Variants in MGAM observed in about 807,000 individuals in gnomAD.
MGAM encodes the protein maltase-glucoamylase, also known as alpha-1,4-glucosidase.
Under a neutral mutation model 358.8 loss-of-function variants are expected in MGAM, and 253 were observed. The observed-to-expected ratio is 0.71, with a 90% CI of 0.64 to 0.78. MGAM has a LOEUF of 0.78. Ranked by LOEUF, MGAM falls within the 30% of genes least tolerant of loss-of-function variation. The pLI is 0.00. For missense variants in MGAM, 3,080 were observed against 3,432.6 expected (o/e 0.90, Z 2.57); for synonymous variants, 1,105 against 1,227.1 (o/e 0.90, Z 2.08).
At chr7:141,996,408 T>A (rs1804239208) in intron 1 of MGAM, among the ~76,000 whole-genome samples, 1 of 152,212 alleles carries the variant, frequency 6.6e-6, no homozygotes, top group African/African-American at 2.4e-5. Flanking sequence ...AATTCTCATT[T>A]ATCTTTTTTT....
At chr7:141,991,925 G>T (rs748862860), upstream of MGAM, among the ~76,000 whole-genome samples, 1 of 152,144 alleles carries the variant, frequency 6.6e-6, no homozygotes, top group Non-Finnish European at 1.5e-5. Flanking sequence ...CCAGGGACTT[G>T]GAGCTAAGCC....
chr7:142,069,532 G>A (rs1254779299), intron 43 of MGAM, among the ~76,000 whole-genome samples: 1 of 145,806 alleles, frequency 6.9e-6, no homozygotes, highest in Non-Finnish European at 1.6e-5. Flanking sequence ...TACAAGCAGG[G>A]ATACAGGAAG....
chr7:142,074,405 A>G (rs1813576295), intron 45 of MGAM, among the ~76,000 whole-genome samples: 1 of 141,224 alleles, frequency 7.1e-6, no homozygotes, highest in African/African-American at 2.7e-5. Context: ...AGTGATACCT[A>G]TAATGGCTCT....
chr7:141,988,787 G>A (rs370859909), intron 2 of MGAM, among the ~76,000 whole-genome samples: 4 of 152,202 alleles, frequency 2.6e-5, no homozygotes, highest in Non-Finnish European at 2.9e-5. Flanking sequence ...AGAAGACGGT[G>A]TAAAGCTGCT....
intron 58 of MGAM, 62 bp downstream of exon 58, chr7:142,092,109 A>G: frequency 1.3e-6 from 2 of 1,516,084 alleles, no homozygotes; most frequent in South Asian, 2.4e-5. Flanking sequence ...GCCTACGTGT[A>G]TGTACCACTG....
intron 19 of MGAM, 100 bp from the exon 20 acceptor site, chr7:142,040,015 G>A: frequency 3.3e-6 from 3 of 899,416 alleles, no homozygotes; most frequent in South Asian, 2.9e-5. Context: ...TAATAGCAGG[G>A]CATTCCTGCC....
intron 34 of MGAM, among the ~76,000 whole-genome samples, chr7:142,060,634 A>G (rs371683764): frequency 2.1e-4 from 32 of 152,370 alleles, no homozygotes; most frequent in African/African-American, 7.2e-4. Flanking sequence ...GTTTTAGGTG[A>G]CAGAGTGGTG....
intron 14 of MGAM, 148 bp downstream of exon 14, chr7:142,033,057 G>A: frequency 5.0e-5 from 25 of 500,016 alleles, no homozygotes; most frequent in South Asian, 3.0e-4. Context: ...AGGAAAACTA[G>A]GAAGGAAAAT....
rs560229372 is a variant in MGAM, at chr7:142,056,958, A to G, written c.3693+16A>G. 28 of 1,611,882 alleles carry G rather than the reference A, an allele frequency of 1.7e-5. No homozygotes were observed. The South Asian group carries it at 2.5e-4, about 15-fold the overall frequency. ...GTACACTGAGGTAGGGGGAAATCCAATTGTTTATCAAGTACTTACACAGCA... is the reference window on the plus strand; with the variant it reads ...GTACACTGAGGTAGGGGGAAATCCAGTTGTTTATCAAGTACTTACACAGCA... On this transcript the variant is annotated intron_variant, in intron 30 of 70. Coordinates refer to ENST00000475668, the MANE Select transcript of MGAM (RefSeq NM_001365693.1).
intron 45 of MGAM, among the ~76,000 whole-genome samples, chr7:142,074,490 C>T (rs4281037): frequency 0.097 from 14,100 of 145,932 alleles, 2,116 homozygotes; most frequent in African/African-American, 0.23. Flanking sequence ...TGTCTTCCTC[C>T]GAAAATTCTT....
rs193168215 is a variant in MGAM at position 142,043,546 on chromosome 7, T to A, written c.2498+2700T>A. On this transcript the variant is annotated intron_variant, in intron 21 of 70. Coordinates refer to ENST00000475668, the MANE Select transcript of MGAM (RefSeq NM_001365693.1). ...AAATATAATATGAATTATATAGATATATCTAAATATATATATTATATATAC... is the reference window on the plus strand; with the variant it reads ...AAATATAATATGAATTATATAGATAAATCTAAATATATATATTATATATAC... Among the ~76,000 whole-genome samples, 5 of 34,936 alleles carry A rather than the reference T, an allele frequency of 1.4e-4. 2 individuals are homozygous for A. Among genetic ancestry groups the A allele is most frequent in the African/African-American group, 1.7e-4 (3 of 17,250 alleles). 22.9% of individuals were successfully genotyped at this position (34,936 alleles called of 152,430 possible). A position where few individuals can be genotyped will look rare whatever the true frequency, so the allele number is the denominator to read the frequency against.
chr7:142,018,901 G>A (rs569723460), intron 3 of MGAM, among the ~76,000 whole-genome samples: 18 of 151,964 alleles, frequency 1.2e-4, no homozygotes, highest in African/African-American at 4.3e-4. Context: ...TGGTGATATA[G>A]CTATATTATT....
At chr7:142,014,924 G>T (rs180950017) in intron 3 of MGAM, among the ~76,000 whole-genome samples, 3 of 151,954 alleles carry the variant, frequency 2.0e-5, no homozygotes, top group Non-Finnish European at 4.4e-5. Flanking sequence ...GTCCCATTCT[G>T]AATATTTTTG....
intron 66 of MGAM, 70 bp downstream of exon 66, chr7:142,097,719 A>G (rs1816064662): frequency 6.8e-7 from 1 of 1,479,784 alleles, no homozygotes; most frequent in Non-Finnish European, 9.4e-7. Flanking sequence ...GATCTGATAG[A>G]CCTTAGGTCA....
At chr7:142,100,418 T>G (rs891305857) in intron 67 of MGAM, among the ~76,000 whole-genome samples, 4 of 152,154 alleles carry the variant, frequency 2.6e-5, no homozygotes, top group African/African-American at 4.8e-5. Flanking sequence ...TTCTAAAGAT[T>G]TAAATAAAAA....
At chr7:142,076,409 A>G in intron 46 of MGAM, 157 bp downstream of exon 46, 3 of 938,344 alleles carry the variant, frequency 3.2e-6, no homozygotes, top group Non-Finnish European at 5.2e-6. Flanking sequence ...ATGTTTTCAA[A>G]AGGAGGCATT....
At chr7:142,044,207 C>G (rs1337156857) in intron 21 of MGAM, among the ~76,000 whole-genome samples, 1 of 118,754 alleles carries the variant, frequency 8.4e-6, no homozygotes, top group African/African-American at 2.8e-5. Flanking sequence ...ATAATATATA[C>G]ATTATATACA....
chr7:142,096,026 G>T, intron 64 of MGAM: 1 of 595,834 alleles, frequency 1.7e-6, no homozygotes, highest in South Asian at 2.2e-5. Flanking sequence ...ACAGGAGAAG[G>T]ATTTCAGGAA....
At chr7:142,082,358 GT>G (rs1236804909) in intron 51 of MGAM, 116 bp from the exon 52 acceptor site, 1 of 1,280,184 alleles carries the variant, frequency 7.8e-7, no homozygotes, top group Non-Finnish European at 1.1e-6. Context: ...TGTTTCATGT[GT>G]TTAATTGATT....
Sources: gnomAD v4.1 joint callset for allele counts (sites outside exome capture counted in the v4.1 genomes callset) on GRCh38, gnomAD v4.1.1 for gene constraint, MANE v1.5 for transcripts, NCBI Gene and HGNC (gene_info 2026-07-23, HGNC 2026-07-21) for gene names.